CD320: variants seen among roughly 807,000 people sequenced by gnomAD.
The protein encoded by CD320 is CD320 molecule.
Under a neutral mutation model 22.1 loss-of-function variants are expected in CD320, and 16 were observed. The observed-to-expected ratio is 0.73, with a 90% CI of 0.49 to 1.10. The LOEUF (loss-of-function observed/expected upper bound fraction) is 1.10, where lower values mean the gene tolerates loss of function less well. CD320 is among the 50% of genes least tolerant of loss of function. The pLI is 0.00. For missense variants in CD320, 388 were observed against 376.9 expected (o/e 1.03, Z -0.24); for synonymous variants, 188 against 167.8 (o/e 1.12, Z -0.93).
intron 3 of CD320, 86 bp from the exon 4 acceptor site, chr19:8,303,066 T>G (rs1172243888): frequency 2.8e-6 from 3 of 1,089,420 alleles, no homozygotes; most frequent in African/African-American, 3.1e-5. Context: ...CCTTGGGGTT[T>G]ATCCTCAACC....
In CD320 at chr19:8,302,356, G is replaced by T; in HGVS notation, c.*107C>A. ...TTCGAGGTTCCACGTGGCCAGAAGAGCTCAGGTCTCTGAGGGCTGGTGTGC... is the reference window on the plus strand; with the variant it reads ...TTCGAGGTTCCACGTGGCCAGAAGATCTCAGGTCTCTGAGGGCTGGTGTGC... On this transcript the variant is annotated 3_prime_UTR_variant, in exon 5 of 5. Transcript: ENST00000301458. The T allele has an allele frequency of 7.1e-7, 1 of 1,409,138 alleles. No homozygotes were observed. 87.3% of individuals were successfully genotyped at this position (1,409,138 alleles called of 1,614,324 possible).
At position 8,303,860 on chromosome 19, in the gene CD320, C is replaced by A. The variant is rs769438880; in HGVS notation, c.497G>T (p.Gly166Val). The A allele has an allele frequency of 6.9e-6, 11 of 1,594,028 alleles. No individual in the cohort carries two copies. In the African/African-American group the frequency reaches 1.2e-4, roughly 18 times the overall value. ...PDCPDSSDEL[G>V]CGTNEILPEG... ...CCAGCCCCGCAGGTGCATACCACAG[C>A]CGAGCTCGTCGCTGGAGTCGGGACA... The change falls in exon 3 of 5, where the codon GGC becomes GTC. Residue 166 changes from glycine to valine, a missense_variant. Coordinates refer to ENST00000301458, the MANE Select transcript of CD320 (RefSeq NM_016579.4).
chr19:8,307,356 AAAAC>A (rs1970106153), intron 1 of CD320, among the ~76,000 whole-genome samples: 4 of 151,456 alleles, frequency 2.6e-5, no homozygotes, highest in East Asian at 3.9e-4. Flanking sequence ...CAAACAAAAA[AAAAC>A]CCAGGAACAT....
Position 8,302,809 on chromosome 19 carries a change from C to T in CD320, c.674G>A (p.Ser225Asn). 1 of 1,614,184 alleles carries T rather than the reference C, an allele frequency of 6.2e-7. No individual in the cohort carries two copies. Among genetic ancestry groups the T allele is most frequent in the South Asian group, 1.1e-5 (1 of 91,092 alleles). Residue 225 changes from serine to asparagine, a missense_variant, in exon 4 of 5, where the codon AGC (serine) becomes AAC (asparagine). Physicochemically the swap from Ser to Asn is conservative, Grantham distance 46. Transcript: ENST00000301458. ...TGCAATAACCCCATAGGCAGTTGGG[C>T]TTCCAGACTGGTCTCCGGCAGAGGA... is the stretch of plus-strand genomic sequence containing the variant. ...TSSSAGDQSG[S>N]PTAYGVIAAA...
intron 3 of CD320, 135 bp from the exon 4 acceptor site, chr19:8,303,115 T>C (rs1056417282): frequency 6.6e-5 from 7 of 106,240 alleles, no homozygotes; most frequent in Non-Finnish European, 1.5e-4. Flanking sequence ...TAATTATGTC[T>C]TTTTTTTTTT....
Position 8,302,307 on chromosome 19 carries a change from G to A in CD320, c.*156C>T, listed in dbSNP as rs1216928974. On this transcript the variant is annotated 3_prime_UTR_variant, in exon 5 of 5. Coordinates refer to ENST00000301458, the MANE Select transcript of CD320 (RefSeq NM_016579.4). ...AGTGTCCAGGGACCCTCAATCTCCA[G>A]GGCCACTTCTGCAGGAGCTCGGGTT... The A allele has an allele frequency of 1.1e-6, 1 of 920,150 alleles. No individual in the cohort carries two copies. Among genetic ancestry groups the A allele is most frequent in the South Asian group, 1.3e-5 (1 of 75,428 alleles). 57.0% of individuals were successfully genotyped at this position (920,150 alleles called of 1,614,324 possible). A position where few individuals can be genotyped will look rare whatever the true frequency, so the allele number is the denominator to read the frequency against.
chr19:8,305,951 T>TG (rs1313636565), intron 1 of CD320: 1 of 152,176 alleles, frequency 6.6e-6, no homozygotes, highest in Non-Finnish European at 1.5e-5. Context: ...AGGCAGTGGG[T>TG]GGGAAACTGA....
In CD320 at chr19:8,302,495, G is replaced by C; in HGVS notation, c.817C>G (p.Leu273Val). The C allele has an allele frequency of 6.2e-7, 1 of 1,614,166 alleles. No homozygotes were observed. The highest frequency in any genetic ancestry group is 8.5e-7 in the Non-Finnish European group (1 of 1,180,026). Residue 273 changes from leucine to valine, a missense_variant, in exon 5 of 5, where the codon CTG (leucine) becomes GTG (valine). Physicochemically the swap from Leu to Val is conservative, Grantham distance 32 (BLOSUM62 1). Transcript: ENST00000301458. ...GLLVAMKESL[L>V]LSEQKTSLP The stretch of plus-strand genomic sequence containing the variant: ...AGCGAGGTCTTCTGTTCTGACAGCA[G>C]CAGGGACTCCTTCATGGCCACCAGT...
rs752773052 is a variant in CD320, at chr19:8,302,449, G to C, written c.*14C>G. On this transcript the variant is annotated 3_prime_UTR_variant, in exon 5 of 5. Coordinates refer to ENST00000301458, the MANE Select transcript of CD320 (RefSeq NM_016579.4). ...CGCCCAGGGCTGAGTGACGGTGGTGGCAAGTGCTTGTCCTCAGGGCAGCGA... is the reference window on the plus strand; with the variant it reads ...CGCCCAGGGCTGAGTGACGGTGGTGCCAAGTGCTTGTCCTCAGGGCAGCGA... 1.2e-6 allele frequency: 2 copies of C among 1,614,064 alleles called. No homozygotes were observed. Among genetic ancestry groups the C allele is most frequent in the South Asian group, 1.1e-5 (1 of 91,084 alleles).
chr19:8,305,534 C>T (rs952801258), intron 1 of CD320: 1 of 256,634 alleles, frequency 3.9e-6, no homozygotes, highest in African/African-American at 2.2e-5. Context: ...ATGGAAACCC[C>T]GTCTCTGTTA....
rs781613746 is a variant in CD320 at position 8,302,327 on chromosome 19, C to T, written c.*136G>A. 27 of 1,080,212 alleles carry T rather than the reference C, an allele frequency of 2.5e-5. No homozygotes were observed. Among genetic ancestry groups the T allele is most frequent in the Admixed American group, 5.1e-5 (3 of 58,792 alleles). The allele number at this position is 1,080,212 out of a possible 1,614,324, so 66.9% of individuals were successfully genotyped here. A position where few individuals can be genotyped will look rare whatever the true frequency, so the allele number is the denominator to read the frequency against. ...CTCCAGGGCCACTTCTGCAGGAGCT[C>T]GGGTTCGAGGTTCCACGTGGCCAGA... On this transcript the variant is annotated 3_prime_UTR_variant, in exon 5 of 5. Transcript: ENST00000301458.
chr19:8,303,114 CTTTT>C (rs909856646), intron 3 of CD320, 134 bp from the exon 4 acceptor site: 2,930 of 510,892 alleles, frequency 5.7e-3, no homozygotes, highest in East Asian at 8.9e-3. Flanking sequence ...GTAATTATGT[CTTTT>C]TTTTTTTTTT....
chr19:8,302,421 C>T lies in CD320; in HGVS notation c.*42G>A, dbSNP rs937248970. 4.3e-6 allele frequency: 7 copies of T among 1,613,576 alleles called. No individual in the cohort carries two copies. In the African/African-American group the frequency reaches 5.3e-5, roughly 12 times the overall value. On this transcript the variant is annotated 3_prime_UTR_variant, in exon 5 of 5. Coordinates refer to ENST00000301458, the MANE Select transcript of CD320 (RefSeq NM_016579.4). ...GCATCACTGCTCTCCTCCTGTCCGG[C>T]TACGCCCAGGGCTGAGTGACGGTGG...
chr19:8,305,180 C>T (rs1169329289), intron 1 of CD320, 24 bp from the exon 2 acceptor site: 2 of 1,575,712 alleles, frequency 1.3e-6, no homozygotes, highest in Non-Finnish European at 8.6e-7. Context: ...GCAAATGAAG[C>T]CTGGGAAGCT....
At chr19:8,303,611 C>T (rs1970042036) in intron 3 of CD320, among the ~76,000 whole-genome samples, 2 of 151,964 alleles carry the variant, frequency 1.3e-5, no homozygotes, top group South Asian at 2.1e-4. Flanking sequence ...GACGGGGTTT[C>T]GCAGTGTTTG....
At chr19:8,303,422 T>A (rs557540347) in intron 3 of CD320, among the ~76,000 whole-genome samples, 10 of 151,552 alleles carry the variant, frequency 6.6e-5, no homozygotes, top group South Asian at 4.2e-4. Flanking sequence ...CGGCCTTTTT[T>A]AAATTTTTTT....
rs1187577564 is a variant in CD320 at position 8,302,250 on chromosome 19, T to TC, written c.*212dup. 1.4e-5 allele frequency: 10 copies of TC among 711,018 alleles called. No individual in the cohort carries two copies. The highest frequency in any genetic ancestry group is 2.5e-5 in the Non-Finnish European group (10 of 395,818). The allele number at this position is 711,018 out of a possible 1,614,324, so 44.0% of individuals were successfully genotyped here. ...CCCCTCAGTTCTGGCTGTGGCAGGT[T>TC]CCCCATCCTAGCTCCCCGGATCTCC... On this transcript the variant is annotated 3_prime_UTR_variant, in exon 5 of 5. Transcript: ENST00000301458.
At position 8,305,321 on chromosome 19, in the gene CD320, G is replaced by A. The variant is rs895976811; in HGVS notation, c.143-165C>T. 22 of 769,876 alleles carry A rather than the reference G, an allele frequency of 2.9e-5. 1 individual carries two copies. The highest frequency in any genetic ancestry group is 4.2e-5 in the Non-Finnish European group (20 of 479,802). 47.7% of individuals were successfully genotyped at this position (769,876 alleles called of 1,614,324 possible). A position where few individuals can be genotyped will look rare whatever the true frequency, so the allele number is the denominator to read the frequency against. On this transcript the variant is annotated intron_variant, in intron 1 of 4. Coordinates refer to ENST00000301458, the MANE Select transcript of CD320 (RefSeq NM_016579.4). ...GAGCCCCTAGTACGAGTGGGGTTCA[G>A]AGTGTAGCAGTTCCTGGGCTCAAGA...
chr19:8,303,956 G>A lies in CD320; in HGVS notation c.401C>T (p.Ala134Val), dbSNP rs1970048861. ...GCTCAGCGTGCAACGGAGCTCGCCTGCTAGGCAGGCCAGGCGGCTGCAGTT... is the reference window on the plus strand; with the variant it reads ...GCTCAGCGTGCAACGGAGCTCGCCTACTAGGCAGGCCAGGCGGCTGCAGTT... ...LRNCSRLACL[A>V]GELRCTLSDD... Residue 134 changes from alanine (A) to valine (V), a missense_variant, in exon 3 of 5, where the codon GCA becomes GTA. By Grantham distance (64) the Ala-to-Val change is moderately conservative (BLOSUM62 0). Coordinates refer to ENST00000301458, the MANE Select transcript of CD320 (RefSeq NM_016579.4). 1.3e-6 allele frequency: 2 copies of A among 1,589,724 alleles called. No individual in the cohort carries two copies. The highest frequency in any genetic ancestry group is 1.7e-4 in the Middle Eastern group (1 of 6,046).
Sources: gnomAD v4.1 joint callset for allele counts (sites outside exome capture counted in the v4.1 genomes callset) on GRCh38, gnomAD v4.1.1 for gene constraint, MANE v1.5 for transcripts, NCBI Gene and HGNC (gene_info 2026-07-23, HGNC 2026-07-21) for gene names.